The following PDE4D variants were observed in gnomAD, a reference collection of about 807,000 sequenced individuals.
PDE4D encodes the protein 3',5'-cyclic-AMP phosphodiesterase 4D.
Under a neutral mutation model 87.4 loss-of-function variants are expected in PDE4D, and 24 were observed. The observed-to-expected ratio is 0.27, with a 90% CI of 0.20 to 0.39. The LOEUF is 0.39. PDE4D is among the 10% of genes least tolerant of loss of function. PDE4D has a pLI of 1.00. For missense variants in PDE4D, 714 were observed against 1,041.0 expected (o/e 0.69, Z 4.32); for synonymous variants, 384 against 383.2 (o/e 1.00, Z -0.02).
intron 1 of PDE4D, among the ~76,000 whole-genome samples, chr5:60,455,376 T>C (rs898372122): frequency 6.6e-6 from 1 of 152,058 alleles, no homozygotes; most frequent in Non-Finnish European, 1.5e-5. Context: ...GGCAATAATA[T>C]ACCTTAGAGA....
chr5:59,869,459 C>T (rs558838687), intron 1 of PDE4D, among the ~76,000 whole-genome samples: 11 of 152,266 alleles, frequency 7.2e-5, no homozygotes, highest in African/African-American at 2.4e-4. Flanking sequence ...ACAAGATGTG[C>T]TGTCAATATA....
At chr5:59,883,691 A>G (rs1180252243) in intron 1 of PDE4D, among the ~76,000 whole-genome samples, 1 of 152,142 alleles carries the variant, frequency 6.6e-6, no homozygotes, top group African/African-American at 2.4e-5. Context: ...TTTACCAAGC[A>G]ACTCATTTTT....
chr5:59,859,291 T>C (rs1009464997), intron 1 of PDE4D, among the ~76,000 whole-genome samples: 7 of 152,156 alleles, frequency 4.6e-5, no homozygotes, highest in Admixed American at 4.6e-4. Context: ...CCTTTTCTGC[T>C]TCCTAAAGGA....
At chr5:59,900,179 G>A (rs955191028) in intron 3 of PDE4D, among the ~76,000 whole-genome samples, 1 of 150,956 alleles carries the variant, frequency 6.6e-6, no homozygotes, top group Non-Finnish European at 1.5e-5. Context: ...GGTGAATGTT[G>A]CAGTGAGCCA....
chr5:60,067,722 C>A (rs1181717225), intron 2 of PDE4D, among the ~76,000 whole-genome samples: 1 of 152,038 alleles, frequency 6.6e-6, no homozygotes, highest in African/African-American at 2.4e-5. Flanking sequence ...TTTCTCTCTA[C>A]CTTCTCTCTA....
intron 1 of PDE4D, among the ~76,000 whole-genome samples, chr5:59,615,458 C>T (rs1829544714): frequency 3.3e-4 from 1 of 3,062 alleles, no homozygotes; most frequent in South Asian, 0.036. Flanking sequence ...GATTAAATTC[C>T]CCCACGAAAT....
At chr5:59,140,119 C>T (rs75328409) in intron 5 of PDE4D, among the ~76,000 whole-genome samples, 5,932 of 152,284 alleles carry the variant, frequency 0.039, 348 homozygotes, top group African/African-American at 0.12. Context: ...TTGAAAAACT[C>T]AATTCAAATA....
intron 2 of PDE4D, among the ~76,000 whole-genome samples, chr5:60,002,292 A>G (rs1316285625): frequency 6.6e-6 from 1 of 152,076 alleles, no homozygotes; most frequent in Non-Finnish European, 1.5e-5. Context: ...AACTCCTAAC[A>G]AAGAAAAGCA....
chr5:59,934,523 G>A (rs972799408), intron 3 of PDE4D, among the ~76,000 whole-genome samples: 2 of 152,168 alleles, frequency 1.3e-5, no homozygotes, highest in African/African-American at 4.8e-5. Context: ...ACAACAACCT[G>A]CTGTGAGTGG....
chr5:59,176,546 A>G (rs1783915547), intron 5 of PDE4D, among the ~76,000 whole-genome samples: 1 of 149,512 alleles, frequency 6.7e-6, no homozygotes, highest in East Asian at 2.0e-4. Flanking sequence ...TAAGAGCAAA[A>G]CTCTATCTCA....
At chr5:59,220,752 A>G (rs545861229) in intron 1 of PDE4D, among the ~76,000 whole-genome samples, 12 of 144,282 alleles carry the variant, frequency 8.3e-5, no homozygotes, top group African/African-American at 2.9e-4. Context: ...ATGAAGGATA[A>G]GGTAGCCCTA....
chr5:59,642,220 G>A (rs999299050), intron 1 of PDE4D, among the ~76,000 whole-genome samples: 1 of 151,846 alleles, frequency 6.6e-6, no homozygotes, highest in African/African-American at 2.4e-5. Context: ...TTTTCTCTGG[G>A]AATGGAAGTA....
intron 1 of PDE4D, among the ~76,000 whole-genome samples, chr5:59,745,108 C>T (rs991500678): frequency 2.6e-5 from 4 of 152,112 alleles, no homozygotes; most frequent in Non-Finnish European, 5.9e-5. Context: ...TTTCACATCT[C>T]ATGCTTTCTT....
At chr5:60,244,630 C>T (rs1747507105) in intron 1 of PDE4D, among the ~76,000 whole-genome samples, 1 of 151,790 alleles carries the variant, frequency 6.6e-6, no homozygotes, top group Non-Finnish European at 1.5e-5. Flanking sequence ...GAATACAGAA[C>T]CTAGAAATAA....
chr5:60,342,705 A>T (rs889040167), intron 1 of PDE4D, among the ~76,000 whole-genome samples: 3 of 150,056 alleles, frequency 2.0e-5, no homozygotes, highest in Non-Finnish European at 4.4e-5. Flanking sequence ...GAAAAAAAAA[A>T]GACTGACAAT....
chr5:60,233,558 T>C (rs1746063981), intron 1 of PDE4D, among the ~76,000 whole-genome samples: 1 of 151,652 alleles, frequency 6.6e-6, no homozygotes, highest in African/African-American at 2.4e-5. Flanking sequence ...GTAACTAACA[T>C]TTCCTTTTTT....
chr5:59,008,310 CTG>C (rs1430608042), intron 6 of PDE4D, among the ~76,000 whole-genome samples: 1 of 152,006 alleles, frequency 6.6e-6, no homozygotes, highest in African/African-American at 2.4e-5. Context: ...AATGTCCCCT[CTG>C]TACTTCGTGG....
chr5:60,445,813 T>A (rs751601655), intron 1 of PDE4D, among the ~76,000 whole-genome samples: 16 of 152,010 alleles, frequency 1.1e-4, no homozygotes, highest in Non-Finnish European at 1.5e-4. Context: ...TTACCACAAT[T>A]AAAAAAGACT....
At chr5:59,002,892 T>C (rs1257037386) in intron 6 of PDE4D, among the ~76,000 whole-genome samples, 1 of 152,216 alleles carries the variant, frequency 6.6e-6, no homozygotes, top group East Asian at 1.9e-4. Flanking sequence ...AGACCATATA[T>C]GCAAAGCACT....
Sources: allele counts gnomAD v4.1 joint callset (sites outside exome capture counted in the v4.1 genomes callset), GRCh38; gene constraint gnomAD v4.1.1; transcripts MANE v1.5; gene names NCBI Gene and HGNC (gene_info 2026-07-23, HGNC 2026-07-21).